Variants in CCDC91 observed in about 807,000 individuals in gnomAD.
CCDC91 encodes the protein coiled-coil domain containing 91.
A neutral mutation model predicts 63.2 loss-of-function variants in CCDC91; 48 were observed. The ratio of observed to expected loss-of-function variants is 0.76; its 90% CI spans 0.60 to 0.97. CCDC91 has a LOEUF of 0.97. CCDC91 is among the 50% of genes least tolerant of loss of function. CCDC91 has a pLI of 0.00. For synonymous variants in CCDC91, 167 were observed against 165.8 expected, an observed-to-expected ratio of 1.01 and a Z score of -0.06; for missense variants, 500 against 494.6, an observed-to-expected ratio of 1.01 and a Z score of -0.10.
At chr12:28,383,052 T>C (rs570761334) in intron 7 of CCDC91, among the ~76,000 whole-genome samples, 1 of 152,204 alleles carries the variant, frequency 6.6e-6, no homozygotes, top group African/African-American at 2.4e-5. Flanking sequence ...TAATGTGTTG[T>C]CCATGGCACA....
chr12:28,379,503 G>A (rs1484061391), intron 7 of CCDC91, among the ~76,000 whole-genome samples: 2 of 148,142 alleles, frequency 1.4e-5, no homozygotes, highest in Non-Finnish European at 3.0e-5. Flanking sequence ...CAAAGGATAT[G>A]AACAGACACT....
chr12:28,439,711 G>GT (rs996015082), intron 8 of CCDC91, among the ~76,000 whole-genome samples: 1,962 of 144,592 alleles, frequency 0.014, 12 homozygotes, highest in Middle Eastern at 0.018. Flanking sequence ...GAAAGAAGAG[G>GT]TTTTTTTTTT....
intron 1 of CCDC91, among the ~76,000 whole-genome samples, chr12:28,224,049 C>A (rs75127067): frequency 6.6e-6 from 1 of 152,132 alleles, no homozygotes; most frequent in Admixed American, 6.6e-5. Flanking sequence ...TGACCAGAAT[C>A]GTTTCATTTT....
At chr12:28,202,836 A>G (rs1391518954) in intron 1 of CCDC91, among the ~76,000 whole-genome samples, 1 of 152,194 alleles carries the variant, frequency 6.6e-6, no homozygotes, top group Non-Finnish European at 1.5e-5. Context: ...TTTCCTTTTA[A>G]GATTCTGGTC....
intron 6 of CCDC91, among the ~76,000 whole-genome samples, chr12:28,321,005 A>G (rs1386683748): frequency 1.3e-5 from 2 of 151,948 alleles, no homozygotes; most frequent in Non-Finnish European, 2.9e-5. Flanking sequence ...GAAGAAGGAC[A>G]TTGTGGTTTT....
At chr12:28,407,804 A>C (rs1387614387) in intron 8 of CCDC91, among the ~76,000 whole-genome samples, 1 of 151,986 alleles carries the variant, frequency 6.6e-6, no homozygotes. Flanking sequence ...GGTTTACTAC[A>C]TCTTTTGCTA....
At chr12:28,512,437 T>C (rs1230705642) in intron 12 of CCDC91, among the ~76,000 whole-genome samples, 2 of 151,896 alleles carry the variant, frequency 1.3e-5, no homozygotes, top group African/African-American at 4.8e-5. Flanking sequence ...AAGACATATT[T>C]ACTAAGGCCA....
At chr12:28,316,259 T>C (rs1773880345) in intron 6 of CCDC91, among the ~76,000 whole-genome samples, 1 of 151,874 alleles carries the variant, frequency 6.6e-6, no homozygotes, top group African/African-American at 2.4e-5. Flanking sequence ...TGTTGGATAG[T>C]CTTTGCCTTC....
intron 12 of CCDC91, among the ~76,000 whole-genome samples, chr12:28,539,933 A>C (rs899283098): frequency 6.6e-6 from 1 of 152,138 alleles, no homozygotes; most frequent in Non-Finnish European, 1.5e-5. Flanking sequence ...AGAGAGAAAA[A>C]GTCTGTTCAC....
chr12:28,364,250 G>A (rs934321210), intron 7 of CCDC91, among the ~76,000 whole-genome samples: 2 of 152,032 alleles, frequency 1.3e-5, no homozygotes, highest in African/African-American at 2.4e-5. Context: ...GCTGGGCCTG[G>A]TGGTGCACAC....
rs1952155156 is a variant in CCDC91 at position 28,494,060 on chromosome 12, G to A, written c.1215+9895G>A. On this transcript the variant is annotated intron_variant, in intron 12 of 12. Transcript: ENST00000536442. ...AATGTTGAATAACACTTAGCAATGA[G>A]CTCAGTGCTGCTTTTCAAAGGGATA... 2.0e-5 allele frequency among the ~76,000 whole-genome samples: 3 copies of A among 151,700 alleles called. No individual in the cohort carries two copies. The South Asian group carries it at 6.2e-4, about 31-fold the overall frequency.
chr12:28,485,325 A>AT (rs915283460), intron 12 of CCDC91, among the ~76,000 whole-genome samples: 1 of 151,656 alleles, frequency 6.6e-6, no homozygotes, highest in African/African-American at 2.4e-5. Context: ...TGCCCAGCTA[A>AT]TTTTTTTATT....
chr12:28,213,601 T>C (rs1314852331), intron 1 of CCDC91, among the ~76,000 whole-genome samples: 1 of 152,218 alleles, frequency 6.6e-6, no homozygotes, highest in Non-Finnish European at 1.5e-5. Context: ...TTCTTATTCC[T>C]GCTGGAGTAG....
chr12:28,380,428 A>G (rs1275778794), intron 7 of CCDC91, among the ~76,000 whole-genome samples: 2 of 152,134 alleles, frequency 1.3e-5, no homozygotes, highest in Non-Finnish European at 2.9e-5. Context: ...TTTCTGTTTT[A>G]TACTACATCA....
chr12:28,384,144 C>G (rs890111364), intron 7 of CCDC91, among the ~76,000 whole-genome samples: 5 of 151,948 alleles, frequency 3.3e-5, no homozygotes, highest in African/African-American at 1.2e-4. Flanking sequence ...TTTAACCAGT[C>G]TCTTCATGAT....
At chr12:28,419,100 A>G (rs889982287) in intron 8 of CCDC91, among the ~76,000 whole-genome samples, 1 of 152,192 alleles carries the variant, frequency 6.6e-6, no homozygotes, top group Non-Finnish European at 1.5e-5. Context: ...TTTTATACCA[A>G]ACCCTGGAGG....
At chr12:28,345,773 G>C (rs916389986) in intron 6 of CCDC91, among the ~76,000 whole-genome samples, 1 of 151,748 alleles carries the variant, frequency 6.6e-6, no homozygotes, top group African/African-American at 2.4e-5. Flanking sequence ...TCTGCTTCTT[G>C]ATTTTTCGGA....
chr12:28,393,441 T>A (rs1394965853), intron 8 of CCDC91, among the ~76,000 whole-genome samples: 1 of 152,118 alleles, frequency 6.6e-6, no homozygotes, highest in Non-Finnish European at 1.5e-5. Flanking sequence ...AAATTTAATA[T>A]GTTTATATGC....
chr12:28,287,754 T>C (rs1949000351), intron 3 of CCDC91, among the ~76,000 whole-genome samples: 1 of 152,228 alleles, frequency 6.6e-6, no homozygotes, highest in African/African-American at 2.4e-5. Context: ...CATTGGTAGT[T>C]GAATAGCAAT....
Sources: gnomAD v4.1 joint callset for allele counts (sites outside exome capture counted in the v4.1 genomes callset) on GRCh38, gnomAD v4.1.1 for gene constraint, MANE v1.5 for transcripts, NCBI Gene and HGNC (gene_info 2026-07-23, HGNC 2026-07-21) for gene names.